ITSN1: variants seen among roughly 807,000 people sequenced by gnomAD.
ITSN1 encodes the protein intersectin 1.
In ITSN1, 58 loss-of-function variants were observed where a neutral mutation model predicts 239.8. The observed-to-expected ratio is 0.24, with a 90% CI of 0.20 to 0.30. The LOEUF (loss-of-function observed/expected upper bound fraction) is 0.30. ITSN1 is among the 10% of genes least tolerant of loss of function. ITSN1 has a pLI of 1.00. For synonymous variants in ITSN1, 780 were observed against 770.8 expected, an observed-to-expected ratio of 1.01 and a Z score of -0.20; for missense variants, 1,558 against 2,103.3, an observed-to-expected ratio of 0.74 and a Z score of 5.07.
At chr21:33,710,886 A>G (rs537808423) in intron 1 of ITSN1, among the ~76,000 whole-genome samples, 11 of 150,466 alleles carry the variant, frequency 7.3e-5, no homozygotes, top group Non-Finnish European at 1.3e-4. Flanking sequence ...GCTCACTGCA[A>G]CCTCCGCCTC....
intron 16 of ITSN1, among the ~76,000 whole-genome samples, chr21:33,788,936 A>T (rs113920248): frequency 2.6e-5 from 4 of 152,266 alleles, no homozygotes; most frequent in African/African-American, 9.6e-5. Flanking sequence ...TGGACAACAC[A>T]TGTCTCTAAA....
intron 6 of ITSN1, among the ~76,000 whole-genome samples, chr21:33,751,167 A>G (rs998151515): frequency 1.4e-4 from 21 of 152,154 alleles, no homozygotes; most frequent in African/African-American, 5.1e-4. Flanking sequence ...ATGACTGTGG[A>G]CATGATGGTA....
intron 36 of ITSN1, among the ~76,000 whole-genome samples, chr21:33,884,190 G>T (rs1985412762): frequency 6.6e-6 from 1 of 152,122 alleles, no homozygotes. Context: ...GATTACAGGG[G>T]TGAGCCACTG....
At chr21:33,877,074 A>ATTTTTTTTTTTTTT (rs1984059511) in intron 34 of ITSN1, among the ~76,000 whole-genome samples, 2 of 125,552 alleles carry the variant, frequency 1.6e-5, no homozygotes, top group African/African-American at 6.3e-5. Context: ...TTTTTTTTGA[A>ATTTTTTTTTTTTTT]ATGGAGTCTC....
In ITSN1 at chr21:33,797,533, G is replaced by T; in HGVS notation, c.2107G>T (p.Asp703Tyr). The change falls in exon 18 of 40, where the codon GAC becomes TAC. Residue 703 changes from aspartate (D) to tyrosine (Y), a missense_variant. Physicochemically the swap from Asp to Tyr is radical, Grantham distance 160. Transcript: ENST00000381318. The surrounding 1 kb of genome is among the most constrained non-coding windows in gnomAD (Gnocchi z 4.9). Reference sequence around the variant, plus strand: ...GGAAAAAGGCAAACAGGAAGCACAAGACAAGCTGGGTCGGCTTTTCCATCA... The same window carrying T: ...GGAAAAAGGCAAACAGGAAGCACAATACAAGCTGGGTCGGCTTTTCCATCA... ...GEEKGKQEAQ[D>Y]KLGRLFHQHQ... 1 of 1,614,120 alleles carries T rather than the reference G, an allele frequency of 6.2e-7. No homozygotes were observed. The highest frequency in any genetic ancestry group is 8.5e-7 in the Non-Finnish European group (1 of 1,180,018).
chr21:33,657,443 T>C (rs2089187823), intron 1 of ITSN1, among the ~76,000 whole-genome samples: 1 of 152,200 alleles, frequency 6.6e-6, no homozygotes, highest in Non-Finnish European at 1.5e-5. Flanking sequence ...TTTGAGGGCT[T>C]CTTATCCTTA....
chr21:33,868,614 CG>C (rs1461136256), intron 33 of ITSN1, among the ~76,000 whole-genome samples: 1 of 152,204 alleles, frequency 6.6e-6, no homozygotes, highest in African/African-American at 2.4e-5. Flanking sequence ...GCTCCGAGTG[CG>C]GGGCACGCCA....
intron 1 of ITSN1, among the ~76,000 whole-genome samples, chr21:33,646,473 T>C (rs1163720242): frequency 6.6e-6 from 1 of 152,228 alleles, no homozygotes; most frequent in African/African-American, 2.4e-5. Context: ...ATTTCACTTT[T>C]CATACTAATA....
chr21:33,693,633 A>G (rs1347189380), intron 1 of ITSN1, among the ~76,000 whole-genome samples: 1 of 152,170 alleles, frequency 6.6e-6, no homozygotes, highest in African/African-American at 2.4e-5. Flanking sequence ...CTGGGACTAC[A>G]GGCGTGAGCC....
At chr21:33,866,731 T>C (rs575518541) in intron 32 of ITSN1, among the ~76,000 whole-genome samples, 9 of 152,312 alleles carry the variant, frequency 5.9e-5, no homozygotes, top group Non-Finnish European at 1.2e-4. Context: ...TTGACCCCCG[T>C]TGTCTGAGCT....
intron 8 of ITSN1, among the ~76,000 whole-genome samples, chr21:33,760,460 G>C (rs1475642975): frequency 6.6e-6 from 1 of 152,114 alleles, no homozygotes; most frequent in Non-Finnish European, 1.5e-5. Context: ...TTTTCTGTCA[G>C]GATTTTATAT....
At chr21:33,710,071 AT>A (rs869125255) in intron 1 of ITSN1, among the ~76,000 whole-genome samples, 4 of 139,468 alleles carry the variant, frequency 2.9e-5, no homozygotes, top group African/African-American at 5.3e-5. Context: ...GCTGAGAGGC[AT>A]TTTTTTTTGT....
intron 20 of ITSN1, among the ~76,000 whole-genome samples, chr21:33,803,331 T>C (rs1169500006): frequency 6.6e-6 from 1 of 152,244 alleles, no homozygotes; most frequent in African/African-American, 2.4e-5. Context: ...CTTCCTCTCA[T>C]TCTTCTCCTT....
In ITSN1 at chr21:33,895,285, T is replaced by G. The variant is rs1986639963; in HGVS notation, c.*6985T>G. The G allele has an allele frequency of 6.6e-6, 1 of 152,274 alleles. No individual in the cohort carries two copies. Among genetic ancestry groups the G allele is most frequent in the Non-Finnish European group, 1.5e-5 (1 of 68,064 alleles). 9.4% of individuals were successfully genotyped at this position (152,274 alleles called of 1,614,324 possible). On this transcript the variant is annotated 3_prime_UTR_variant, in exon 40 of 40. Coordinates refer to ENST00000381318, the MANE Select transcript of ITSN1 (RefSeq NM_003024.3). ...GGAGGCCCTGCTCCCCAGCAAGCGTTCTAGGAGTTACGGTGTGCTCTATTG... is the reference window on the plus strand; with the variant it reads ...GGAGGCCCTGCTCCCCAGCAAGCGTGCTAGGAGTTACGGTGTGCTCTATTG...
chr21:33,883,826 C>T (rs1355446265), intron 36 of ITSN1, among the ~76,000 whole-genome samples, 155 bp downstream of exon 36: 1 of 151,794 alleles, frequency 6.6e-6, no homozygotes, highest in East Asian at 1.9e-4. Context: ...TTTTCTACAG[C>T]CTCTCAAAAA....
intron 24 of ITSN1, 151 bp downstream of exon 24, chr21:33,819,474 C>G: frequency 3.9e-6 from 2 of 508,318 alleles, no homozygotes; most frequent in South Asian, 9.9e-5. Flanking sequence ...TTTACAGAAT[C>G]GGAGTACTTC....
intron 1 of ITSN1, among the ~76,000 whole-genome samples, chr21:33,715,032 A>C (rs1185790282): frequency 6.6e-6 from 1 of 152,168 alleles, no homozygotes; most frequent in Admixed American, 6.5e-5. Context: ...CCATTTCTTA[A>C]TAAAATTATA....
intron 16 of ITSN1, among the ~76,000 whole-genome samples, chr21:33,792,981 C>T (rs1427651816): frequency 6.6e-6 from 1 of 151,902 alleles, no homozygotes; most frequent in Non-Finnish European, 1.5e-5. Flanking sequence ...TCCTAAGTAC[C>T]TCCCCCCAGA....
At chr21:33,670,018 G>C (rs2090167666) in intron 1 of ITSN1, among the ~76,000 whole-genome samples, 1 of 152,104 alleles carries the variant, frequency 6.6e-6, no homozygotes, top group Non-Finnish European at 1.5e-5. Flanking sequence ...AGCCAGTTTT[G>C]ACCTCTCCAT....
Sources: gnomAD v4.1 joint callset for allele counts (sites outside exome capture counted in the v4.1 genomes callset) on GRCh38, gnomAD v4.1.1 for gene constraint, Gnocchi (gnomAD v3.1) non-coding constraint, MANE v1.5 for transcripts, NCBI Gene and HGNC (gene_info 2026-07-23, HGNC 2026-07-21) for gene names.